CNTN2: variants seen among roughly 807,000 people sequenced by gnomAD.
CNTN2 encodes the protein contactin-2.
Under a neutral mutation model 117.5 loss-of-function variants are expected in CNTN2, and 53 were observed. That is an observed-to-expected ratio of 0.45 (90% CI 0.36 to 0.57). The LOEUF is 0.57. CNTN2 is among the 20% of genes least tolerant of loss of function. The pLI, the probability that CNTN2 is intolerant of heterozygous loss-of-function variation, is 0.00. For synonymous variants in CNTN2, 530 were observed against 561.7 expected (o/e 0.94, Z 0.80); for missense variants, 1,106 against 1,404.3 (o/e 0.79, Z 3.39).
At chr1:205,069,788 G>A (rs1403066951) in intron 17 of CNTN2, 39 bp from the exon 18 acceptor site, 1 of 1,592,524 alleles carries the variant, frequency 6.3e-7, no homozygotes, top group Admixed American at 1.7e-5. Flanking sequence ...AGGGACACAT[G>A]CCGCGGACCC....
chr1:205,075,018 T>TCAAA lies in CNTN2; in HGVS notation c.*1254_*1255insAAAC, dbSNP rs903539764. On this transcript the variant is annotated 3_prime_UTR_variant, in exon 23 of 23. Coordinates refer to ENST00000331830, the MANE Select transcript of CNTN2 (RefSeq NM_005076.5). Reference sequence around the variant, plus strand: ...CTGGAAGAAGCCTTAGAGCTCAACTTCTTCAAGCCCCTCACTTTACAGATG... The same window carrying TCAAA: ...CTGGAAGAAGCCTTAGAGCTCAACTTCAAACTTCAAGCCCCTCACTTTACAGATG... 1 of 397,572 alleles carries TCAAA rather than the reference T, an allele frequency of 2.5e-6. No individual in the cohort carries two copies. Among genetic ancestry groups the TCAAA allele is most frequent in the African/African-American group, 2.1e-5 (1 of 48,590 alleles). 24.6% of individuals were successfully genotyped at this position (397,572 alleles called of 1,614,324 possible).
At chr1:205,068,065 G>C (rs116549187) in intron 16 of CNTN2, 4,911 of 152,138 alleles carry the variant, frequency 0.032, 129 homozygotes, top group South Asian at 0.12. Flanking sequence ...TTTGGGAGCA[G>C]ATGGAATTGA....
intron 10 of CNTN2, 46 bp downstream of exon 10, chr1:205,062,615 G>T: frequency 6.3e-7 from 1 of 1,582,248 alleles, no homozygotes; most frequent in Non-Finnish European, 8.6e-7. Context: ...ACATGCATAT[G>T]GTGGCTTTCA....
rs140020952 is a variant in CNTN2 at position 205,067,111 on chromosome 1, C to A, written c.1986C>A (p.Asn662Lys). ...KWKQVRTNPA[N>K]IEGNAETAQV... is the part of the protein sequence containing the mutation. ...CCTGGTGCCTTGCAGATCCTGCAAACATCGAGGGCAATGCCGAGACTGCAC... is the reference window on the plus strand; with the variant it reads ...CCTGGTGCCTTGCAGATCCTGCAAAAATCGAGGGCAATGCCGAGACTGCAC... The change falls in exon 16 of 23, where the codon AAC (asparagine) becomes AAA (lysine). Residue 662 changes from asparagine to lysine, a missense_variant. By Grantham distance (94) the Asn-to-Lys change is moderately conservative. Coordinates refer to ENST00000331830, the MANE Select transcript of CNTN2 (RefSeq NM_005076.5). 2.7e-5 allele frequency: 43 copies of A among 1,610,288 alleles called. No individual in the cohort carries two copies. Among genetic ancestry groups the A allele is most frequent in the Non-Finnish European group, 3.2e-5 (38 of 1,178,350 alleles).
Position 205,067,180 on chromosome 1 carries a change from C to T in CNTN2, c.2055C>T (p.Val685=). The T allele has an allele frequency of 6.2e-7, 1 of 1,614,158 alleles. No individual in the cohort carries two copies. The highest frequency in any genetic ancestry group is 1.1e-5 in the South Asian group (1 of 91,078). The stretch of plus-strand genomic sequence containing the variant: ...CCTGGATGGACTATGAGTTCCGGGT[C>T]ATAGCCAGCAACATTCTGGGCACTG... ...LTPWMDYEFR[V]IASNILGTGE... is the part of the protein sequence containing the mutation. Residue 685 remains valine, a synonymous_variant, in exon 16 of 23, where the codon GTC becomes GTT. Coordinates refer to ENST00000331830, the MANE Select transcript of CNTN2 (RefSeq NM_005076.5).
intron 1 of CNTN2, among the ~76,000 whole-genome samples, chr1:205,052,580 A>G (rs1003097326): frequency 2.0e-5 from 3 of 151,946 alleles, no homozygotes; most frequent in Admixed American, 6.6e-5. Context: ...AATCAGTGAG[A>G]CCCCTCCTCA....
rs1305178559 is a variant in CNTN2, at chr1:205,077,529, GC to G, written c.*3765del. 6.6e-6 allele frequency: 1 copy of G among 152,224 alleles called. No individual in the cohort carries two copies. Among genetic ancestry groups the G allele is most frequent in the Admixed American group, 6.5e-5 (1 of 15,286 alleles). 9.4% of individuals were successfully genotyped at this position (152,224 alleles called of 1,614,324 possible). On this transcript the variant is annotated 3_prime_UTR_variant, in exon 23 of 23. Transcript: ENST00000331830. Reference sequence around the variant, plus strand: ...GGATGTGATGGGGATTGCCAGAGAGGCTCTTAGCATAAAAGGCATTAGGTGG... The same window carrying G: ...GGATGTGATGGGGATTGCCAGAGAGGTCTTAGCATAAAAGGCATTAGGTGG...
At chr1:205,064,561 G>A in intron 11 of CNTN2, 62 bp from the exon 12 acceptor site, 1 of 1,601,872 alleles carries the variant, frequency 6.2e-7, no homozygotes, top group Non-Finnish European at 8.5e-7. Flanking sequence ...AGTCACAGGA[G>A]TTGGCCAGCC....
chr1:205,053,070 C>T (rs567773182), intron 1 of CNTN2, 30 bp from the exon 2 acceptor site: 10 of 705,824 alleles, frequency 1.4e-5, no homozygotes, highest in Admixed American at 1.3e-4. Context: ...CTCCTCGGCT[C>T]AGAGCCCTCC....
rs569976323 is a variant in CNTN2 at position 205,074,758 on chromosome 1, C to G, written c.*993C>G. On this transcript the variant is annotated 3_prime_UTR_variant, in exon 23 of 23. Transcript: ENST00000331830. Reference sequence around the variant, plus strand: ...TCTGCTCTCCCAGCACTGACTCACTCCTGCCTGGGAGGGGAATGCAGCATT... The same window carrying G: ...TCTGCTCTCCCAGCACTGACTCACTGCTGCCTGGGAGGGGAATGCAGCATT... The G allele has an allele frequency of 2.5e-6, 1 of 398,836 alleles. No individual in the cohort carries two copies. Among genetic ancestry groups the G allele is most frequent in the Non-Finnish European group, 4.4e-6 (1 of 226,188 alleles). 24.7% of individuals were successfully genotyped at this position (398,836 alleles called of 1,614,324 possible). A position where few individuals can be genotyped will look rare whatever the true frequency, so the allele number is the denominator to read the frequency against.
At chr1:205,055,678 T>A (rs2096459824) in intron 2 of CNTN2, among the ~76,000 whole-genome samples, 1 of 152,164 alleles carries the variant, frequency 6.6e-6, no homozygotes. Context: ...ACAGTGGGGT[T>A]AAGAATGCTT....
At position 205,059,769 on chromosome 1, in the gene CNTN2, T is replaced by G; in HGVS notation, c.797+87T>G. On this transcript the variant is annotated intron_variant, in intron 7 of 22. Coordinates refer to ENST00000331830, the MANE Select transcript of CNTN2 (RefSeq NM_005076.5). The surrounding 1 kb of genome is among the most constrained non-coding windows in gnomAD (Gnocchi z 5.6). ...GTGAGGGCAGGCAGAGTCAGGGCTC[T>G]TATCTTGGTGTCCCTCACAGGGTCT... is the stretch of plus-strand genomic sequence containing the variant. 3 of 1,106,798 alleles carry G rather than the reference T, an allele frequency of 2.7e-6. No individual in the cohort carries two copies. Among genetic ancestry groups the G allele is most frequent in the Non-Finnish European group, 4.1e-6 (3 of 726,402 alleles). 68.6% of individuals were successfully genotyped at this position (1,106,798 alleles called of 1,614,324 possible).
Position 205,073,166 on chromosome 1 carries a change from G to T in CNTN2, c.2943G>T (p.Leu981=), listed in dbSNP as rs774117484. ...TGCCTGAAGACATTGGCCATGCCCT[G>T]GTACAAATTCGGACCACAGGGCCCG... ...IPVPEDIGHA[L]VQIRTTGPGG... The change falls in exon 22 of 23, where the codon CTG becomes CTT. Residue 981 remains leucine (L), a synonymous_variant. Coordinates refer to ENST00000331830, the MANE Select transcript of CNTN2 (RefSeq NM_005076.5). The surrounding 1 kb of genome is among the most constrained non-coding windows in gnomAD (Gnocchi z 6.3). 2 of 1,613,992 alleles carry T rather than the reference G, an allele frequency of 1.2e-6. No individual in the cohort carries two copies. The highest frequency in any genetic ancestry group is 1.3e-5 in the African/African-American group (1 of 74,884).
At chr1:205,069,050 A>C in intron 16 of CNTN2, 1 of 154,988 alleles carries the variant, frequency 6.5e-6, no homozygotes, top group Non-Finnish European at 1.4e-5. Flanking sequence ...TGTTTGCATT[A>C]ACTGCAGTTC....
chr1:205,051,329 A>G (rs1018668164), intron 1 of CNTN2, among the ~76,000 whole-genome samples: 5 of 152,244 alleles, frequency 3.3e-5, no homozygotes, highest in Non-Finnish European at 7.3e-5. Flanking sequence ...TTGCGTAGAC[A>G]GGGGCATCTT....
chr1:205,047,786 T>C lies in CNTN2; in HGVS notation c.-87+4392T>C, dbSNP rs535910775. ...TGCGGACACACGGCTGTGAGATTTC[T>C]CAGTTCTAAGATCTGATCTTTCCTG... On this transcript the variant is annotated intron_variant, in intron 1 of 22. Transcript: ENST00000331830. Among the ~76,000 whole-genome samples, 4 of 152,264 alleles carry C rather than the reference T, an allele frequency of 2.6e-5. No individual in the cohort carries two copies. The South Asian group carries it at 8.3e-4, about 32-fold the overall frequency.
Position 205,065,377 on chromosome 1 carries a change from T to C in CNTN2, c.1695+115T>C, listed in dbSNP as rs1654228124. 2.8e-6 allele frequency: 3 copies of C among 1,084,728 alleles called. No individual in the cohort carries two copies. In the South Asian group the frequency reaches 4.5e-5, roughly 16 times the overall value. 67.2% of individuals were successfully genotyped at this position (1,084,728 alleles called of 1,614,324 possible). Reference sequence around the variant, plus strand: ...AAACCCATAGCCTAAGCGCCCCCATTCCCTCAGGCCCACACATGGCAAGCT... The same window carrying C: ...AAACCCATAGCCTAAGCGCCCCCATCCCCTCAGGCCCACACATGGCAAGCT... On this transcript the variant is annotated intron_variant, in intron 13 of 22. Coordinates refer to ENST00000331830, the MANE Select transcript of CNTN2 (RefSeq NM_005076.5). The surrounding 1 kb of genome is among the most constrained non-coding windows in gnomAD (Gnocchi z 4.1).
At chr1:205,066,965 A>G in intron 15 of CNTN2, 136 bp from the exon 16 acceptor site, 1 of 1,093,058 alleles carries the variant, frequency 9.1e-7, no homozygotes, top group South Asian at 1.7e-5. Flanking sequence ...TTTCTGAAAA[A>G]GGTACTGAGT....
intron 1 of CNTN2, among the ~76,000 whole-genome samples, chr1:205,049,194 C>T (rs1382180802): frequency 6.6e-6 from 1 of 151,292 alleles, no homozygotes; most frequent in African/African-American, 2.4e-5. Flanking sequence ...ATAATTCTGA[C>T]TACTGGAGGT....
Sources: allele counts gnomAD v4.1 joint callset (sites outside exome capture counted in the v4.1 genomes callset), GRCh38; gene constraint gnomAD v4.1.1; non-coding constraint Gnocchi (gnomAD v3.1); transcripts MANE v1.5; gene names NCBI Gene and HGNC (gene_info 2026-07-23, HGNC 2026-07-21).